XDH: variants seen among roughly 807,000 people sequenced by gnomAD.
XDH encodes the protein xanthine dehydrogenase/oxidase.
In XDH, 138 loss-of-function variants were observed where a neutral mutation model predicts 156.1. The ratio of observed to expected loss-of-function variants is 0.88; its 90% CI spans 0.77 to 1.02. The LOEUF (loss-of-function observed/expected upper bound fraction) is 1.02, where lower values mean the gene tolerates loss of function less well. Ranked by LOEUF, XDH falls within the 50% of genes least tolerant of loss-of-function variation. XDH has a pLI of 0.00. For missense variants in XDH, 1,849 were observed against 1,684.9 expected, an observed-to-expected ratio of 1.10 and a Z score of -1.71; for synonymous variants, 669 against 625.7, an observed-to-expected ratio of 1.07 and a Z score of -1.03.
In XDH at chr2:31,365,536, C is replaced by A. The variant is rs777041375; in HGVS notation, c.2465G>T (p.Arg822Leu). ...ACGGTCCAGCATGCATCGCACAGGG[C>A]GGCCGGTCCTGGGGGTTACCGACAG... is the stretch of plus-strand genomic sequence containing the variant. ...AVALAAYKTGRPVRCMLDRDE... is the reference protein window; with the variant it reads ...AVALAAYKTGLPVRCMLDRDE... The change falls in exon 23 of 36, where the codon CGC (arginine) becomes CTC (leucine). Residue 822 changes from arginine to leucine, a missense_variant. Coordinates refer to ENST00000379416, the MANE Select transcript of XDH (RefSeq NM_000379.4). 1 of 1,614,030 alleles carries A rather than the reference C, an allele frequency of 6.2e-7. No individual in the cohort carries two copies. The highest frequency in any genetic ancestry group is 8.5e-7 in the Non-Finnish European group (1 of 1,180,028).
At chr2:31,378,782 A>G (rs1686350238) in intron 13 of XDH, among the ~76,000 whole-genome samples, 2 of 152,266 alleles carry the variant, frequency 1.3e-5, no homozygotes, top group African/African-American at 4.8e-5. Flanking sequence ...TGTTTTGTTA[A>G]TGACCATACC....
chr2:31,354,748 A>C (rs1202099642), intron 24 of XDH, among the ~76,000 whole-genome samples: 1 of 152,194 alleles, frequency 6.6e-6, no homozygotes, highest in African/African-American at 2.4e-5. Flanking sequence ...CTATATTGAG[A>C]ATATGGAATG....
chr2:31,383,085 C>G lies in XDH; in HGVS notation c.954G>C (p.Lys318Asn), dbSNP rs1255558146. The G allele has an allele frequency of 1.9e-6, 3 of 1,614,174 alleles. No homozygotes were observed. Among genetic ancestry groups the G allele is most frequent in the Non-Finnish European group, 2.5e-6 (3 of 1,180,038 alleles). The change falls in exon 11 of 36, where the codon AAG (lysine) becomes AAC (asparagine). Residue 318 changes from lysine to asparagine, a missense_variant. Transcript: ENST00000379416. ...ACACCTCTGTCTTTTGGGCAGGAAG[C>G]TTAGCAACAGCATCCACCAGGGTTT... ...VEKTLVDAVAKLPAQKTEVFR... is the reference protein window; with the variant it reads ...VEKTLVDAVANLPAQKTEVFR...
intron 2 of XDH, among the ~76,000 whole-genome samples, chr2:31,405,399 C>T (rs1572571649): frequency 6.6e-6 from 1 of 152,110 alleles, no homozygotes; most frequent in Non-Finnish European, 1.5e-5. Flanking sequence ...TCTAAGGAGT[C>T]CCCCCACCCT....
intron 26 of XDH, 103 bp downstream of exon 26, chr2:31,349,583 A>G (rs1381522509): frequency 1.3e-6 from 2 of 1,528,916 alleles, no homozygotes; most frequent in South Asian, 1.1e-5. Context: ...CAGCAGTCTC[A>G]TAAGTTATCC....
At chr2:31,383,972 G>C (rs1686512936) in intron 9 of XDH, 125 bp from the exon 10 acceptor site, 1 of 868,278 alleles carries the variant, frequency 1.2e-6, no homozygotes, top group Admixed American at 2.0e-5. Flanking sequence ...ATGCTCTCTG[G>C]TGACTGTAGG....
rs1210425191 is a variant in XDH, at chr2:31,378,107, A to AAAGG, written c.1243-874_1243-871dup. 3.9e-3 allele frequency among the ~76,000 whole-genome samples: 210 copies of AAAGG among 54,428 alleles called. 2 individuals are homozygous for AAAGG. Among genetic ancestry groups the AAAGG allele is most frequent in the Non-Finnish European group, 4.9e-3 (135 of 27,724 alleles). The allele number at this position is 54,428 out of a possible 152,430, so 35.7% of individuals were successfully genotyped here. On this transcript the variant is annotated intron_variant, in intron 13 of 35. Transcript: ENST00000379416. Reference sequence around the variant, plus strand: ...GAAAGAAAGAAAGAAAGAAAGAAAGAAAGGAAGGAAGGAAGGAAGGAAGGA... The same window carrying AAAGG: ...GAAAGAAAGAAAGAAAGAAAGAAAGAAAGGAAGGAAGGAAGGAAGGAAGGAAGGA...
intron 16 of XDH, among the ~76,000 whole-genome samples, chr2:31,373,196 A>G (rs186364404): frequency 6.6e-6 from 1 of 152,360 alleles, no homozygotes; most frequent in Admixed American, 6.5e-5. Context: ...TAAGTTGTTC[A>G]AGGTTGCACA....
Position 31,387,950 on chromosome 2 carries a change from C to A in XDH, c.565-53G>T, listed in dbSNP as rs984212552. The A allele has an allele frequency of 3.3e-6, 5 of 1,523,468 alleles. No individual in the cohort carries two copies. The African/African-American group carries it at 5.5e-5, about 17-fold the overall frequency. The allele number at this position is 1,523,468 out of a possible 1,614,324, so 94.4% of individuals were successfully genotyped here. A position where few individuals can be genotyped will look rare whatever the true frequency, so the allele number is the denominator to read the frequency against. On this transcript the variant is annotated intron_variant, in intron 7 of 35. Transcript: ENST00000379416. ...TGCAGTATCTCCTCCTTTCAAACAC[C>A]CAAGAGGACCAATTCAGCCTTTCCT...
chr2:31,402,429 C>G (rs2148007258), intron 3 of XDH, among the ~76,000 whole-genome samples: 1 of 152,246 alleles, frequency 6.6e-6, no homozygotes, highest in South Asian at 2.1e-4. Flanking sequence ...TGTATCATGC[C>G]TGAGTTTACA....
At chr2:31,349,292 A>G (rs945422389) in intron 26 of XDH, among the ~76,000 whole-genome samples, 2 of 152,196 alleles carry the variant, frequency 1.3e-5, no homozygotes, top group African/African-American at 4.8e-5. Context: ...AGGAAGACAG[A>G]GCCAGCCCAA....
intron 30 of XDH, among the ~76,000 whole-genome samples, chr2:31,345,509 C>G (rs1374666182): frequency 6.6e-6 from 1 of 152,164 alleles, no homozygotes; most frequent in Non-Finnish European, 1.5e-5. Context: ...AGCCACCAAA[C>G]GATTTACTGT....
At chr2:31,414,496 C>CGA (rs1172029993) in intron 1 of XDH, 129 bp downstream of exon 1, 6 of 1,361,936 alleles carry the variant, frequency 4.4e-6, no homozygotes, top group Non-Finnish European at 6.3e-6. Context: ...ACCTTTAAAG[C>CGA]GAGAGAGAGA....
Position 31,379,897 on chromosome 2 carries a change from C to A in XDH, c.1212G>T (p.Leu404=). The part of the protein sequence containing the change: ...RKTLLSPEEI[L]LSIEIPYSRE... ...TGCTGTAGGGGATCTCTATGGAGAG[C>A]AGTATCTCCTCCGGGCTCAGCAGGG... is the stretch of plus-strand genomic sequence containing the variant. The change falls in exon 13 of 36, where the codon CTG becomes CTT. Residue 404 remains leucine (L), a synonymous_variant. Transcript: ENST00000379416. The A allele has an allele frequency of 3.1e-6, 5 of 1,614,172 alleles. No homozygotes were observed. Among genetic ancestry groups the A allele is most frequent in the Non-Finnish European group, 4.2e-6 (5 of 1,180,024 alleles).
chr2:31,410,473 T>C (rs1434811153), intron 1 of XDH, among the ~76,000 whole-genome samples: 2 of 152,212 alleles, frequency 1.3e-5, no homozygotes, highest in Non-Finnish European at 2.9e-5. Context: ...ATTTGTATCA[T>C]TCCAAATTAT....
intron 25 of XDH, 64 bp from the exon 26 acceptor site, chr2:31,349,895 C>T: frequency 2.5e-6 from 4 of 1,612,262 alleles, no homozygotes; most frequent in South Asian, 1.1e-5. Context: ...CAGGGCACAA[C>T]CTAAAGTTAA....
chr2:31,411,531 G>GTTGGTAAAA (rs1687343040), intron 1 of XDH, among the ~76,000 whole-genome samples: 2 of 152,110 alleles, frequency 1.3e-5, no homozygotes, highest in South Asian at 4.1e-4. Flanking sequence ...AGTTGGTAAA[G>GTTGGTAAAA]TACATAAAGG....
chr2:31,385,866 G>A (rs1202630850), intron 9 of XDH, among the ~76,000 whole-genome samples: 5 of 152,166 alleles, frequency 3.3e-5, no homozygotes, highest in Admixed American at 3.3e-4. Context: ...AGAAAAAGTG[G>A]GGTGGTGGGG....
chr2:31,380,729 A>C (rs1226050330), intron 12 of XDH, among the ~76,000 whole-genome samples: 1 of 152,202 alleles, frequency 6.6e-6, no homozygotes, highest in Non-Finnish European at 1.5e-5. Context: ...CTCCTGCTAT[A>C]ATAAGTCATA....
Sources: gnomAD v4.1 joint callset for allele counts (sites outside exome capture counted in the v4.1 genomes callset) on GRCh38, gnomAD v4.1.1 for gene constraint, MANE v1.5 for transcripts, NCBI Gene and HGNC (gene_info 2026-07-23, HGNC 2026-07-21) for gene names.